Variants in WASHC5 observed in about 807,000 individuals in gnomAD.
WASHC5 encodes WASH complex subunit 5.
WASHC5 carries 101 observed loss-of-function variants against 150.4 expected under a neutral mutation model. The ratio of observed to expected loss-of-function variants is 0.67; its 90% CI spans 0.57 to 0.79. The LOEUF is 0.79. WASHC5 is among the 30% of genes least tolerant of loss of function. The pLI, the probability that WASHC5 is intolerant of heterozygous loss-of-function variation, is 0.00. For missense variants in WASHC5, 1,195 were observed against 1,396.3 expected (o/e 0.86, Z 2.30); for synonymous variants, 467 against 491.2 (o/e 0.95, Z 0.65).
intron 19 of WASHC5, among the ~76,000 whole-genome samples, chr8:125,047,701 G>A (rs1816112874): frequency 6.6e-6 from 1 of 152,128 alleles, no homozygotes; most frequent in Admixed American, 6.5e-5. Context: ...GCCTCCCAAA[G>A]TGCTGGGATT....
Position 125,032,217 on chromosome 8 carries a change from G to A in WASHC5, c.3335+24C>T, listed in dbSNP as rs16900240. On this transcript the variant is annotated intron_variant, in intron 27 of 28. Coordinates refer to ENST00000318410, the MANE Select transcript of WASHC5 (RefSeq NM_014846.4). ...TAGGTTTTGTGACAAGAAGTCCCACGTAGTCCTGGTTGGTCTTCTGTACCT... is the reference window on the plus strand; with the variant it reads ...TAGGTTTTGTGACAAGAAGTCCCACATAGTCCTGGTTGGTCTTCTGTACCT... The A allele has an allele frequency of 1.2e-4, 198 of 1,613,148 alleles. No individual in the cohort carries two copies. The highest frequency in any genetic ancestry group is 7.6e-4 in the East Asian group (34 of 44,888).
At chr8:125,062,011 GTTTT>G (rs1009193885) in intron 11 of WASHC5, among the ~76,000 whole-genome samples, 1 of 149,332 alleles carries the variant, frequency 6.7e-6, no homozygotes, top group Admixed American at 6.7e-5. Flanking sequence ...ATCCCCTAAA[GTTTT>G]TTTTTTGTTT....
intron 26 of WASHC5, chr8:125,032,604 A>T: frequency 1.7e-6 from 1 of 589,170 alleles, no homozygotes; most frequent in Non-Finnish European, 3.0e-6. Flanking sequence ...AAACCAATAA[A>T]ACGGTTACTA....
chr8:125,057,616 G>A lies in WASHC5; in HGVS notation c.1815C>T (p.Ser605=). The change falls in exon 15 of 29, where the codon AGC becomes AGT. Residue 605 remains serine, a synonymous_variant. Coordinates refer to ENST00000318410, the MANE Select transcript of WASHC5 (RefSeq NM_014846.4). ...ACTGTGACACGCTGAGCAGGTCGGG[G>A]CTATTTGCCTGATTAATACGAAGAA... is the stretch of plus-strand genomic sequence containing the variant. ...LPLLRINQAN[S]PDLLSVSQYY... 1.9e-6 allele frequency: 3 copies of A among 1,613,948 alleles called. No individual in the cohort carries two copies. Among genetic ancestry groups the A allele is most frequent in the Middle Eastern group, 1.7e-4 (1 of 6,058 alleles).
At chr8:125,028,506 C>T (rs1815435562) in intron 28 of WASHC5, 114 bp downstream of exon 28, 1 of 723,776 alleles carries the variant, frequency 1.4e-6, no homozygotes, top group Non-Finnish European at 2.5e-6. Context: ...GCGAGAGGCG[C>T]AGAGGCATCT....
At chr8:125,029,035 T>C (rs1815452280) in intron 27 of WASHC5, among the ~76,000 whole-genome samples, 1 of 117,596 alleles carries the variant, frequency 8.5e-6, no homozygotes, top group Admixed American at 7.5e-5. Context: ...GCACACTTTT[T>C]TTTTTTTTTT....
intron 1 of WASHC5, among the ~76,000 whole-genome samples, chr8:125,089,801 C>T (rs971592484): frequency 7.9e-5 from 12 of 152,134 alleles, no homozygotes; most frequent in Admixed American, 7.2e-4. Flanking sequence ...TCAAGAATTA[C>T]GCTGTAGACA....
At position 125,069,405 on chromosome 8, in the gene WASHC5, C is replaced by T. The variant is rs1340418951; in HGVS notation, c.1151-1686G>A. ...TAAAGTCAAAATAAAAACTCTAAGA[C>T]TTAAACAGACTTTGTCAAAAAGTTC... On this transcript the variant is annotated intron_variant, in intron 9 of 28. Coordinates refer to ENST00000318410, the MANE Select transcript of WASHC5 (RefSeq NM_014846.4). Among the ~76,000 whole-genome samples the T allele has an allele frequency of 2.6e-5, 4 of 152,152 alleles. No homozygotes were observed. The East Asian group carries it at 5.8e-4, about 22-fold the overall frequency.
chr8:125,059,523 A>T lies in WASHC5; in HGVS notation c.1541T>A (p.Leu514Ter). 1 of 1,613,646 alleles carries T rather than the reference A, an allele frequency of 6.2e-7. No homozygotes were observed. Among genetic ancestry groups the T allele is most frequent in the Non-Finnish European group, 8.5e-7 (1 of 1,179,806 alleles). Reference protein sequence around the residue: ...ALEEVQEFHQLESNLQVCQFL... With the variant: ...ALEEVQEFHQ ...CTGACATACTTGCAGATTGGATTCC[A>T]ACTGGTGGAATTCTTGAACCTGTGT... The change falls in exon 13 of 29, where the codon TTG becomes TAG. Residue 514 changes from leucine to a stop codon, truncating the protein, a stop_gained. Coordinates refer to ENST00000318410, the MANE Select transcript of WASHC5 (RefSeq NM_014846.4). LOFTEE classifies it high-confidence loss of function.
In WASHC5 at chr8:125,068,500, C is replaced by T. The variant is rs181375209; in HGVS notation, c.1151-781G>A. Among the ~76,000 whole-genome samples the T allele has an allele frequency of 1.7e-3, 253 of 152,290 alleles. 1 individual carries two copies. Among genetic ancestry groups the T allele is most frequent in the African/African-American group, 5.9e-3 (245 of 41,552 alleles). ...GTGCCTCATTCCTCCAAATTCACTC[C>T]GTGTGCCCTTTTCCTTTGCAGATTT... On this transcript the variant is annotated intron_variant, in intron 9 of 28. Coordinates refer to ENST00000318410, the MANE Select transcript of WASHC5 (RefSeq NM_014846.4).
rs1258715825 is a variant in WASHC5, at chr8:125,024,553, A to G, written c.*64T>C. The G allele has an allele frequency of 3.3e-5, 41 of 1,255,870 alleles. No individual in the cohort carries two copies. The highest frequency in any genetic ancestry group is 4.6e-5 in the Non-Finnish European group (39 of 853,828). The allele number at this position is 1,255,870 out of a possible 1,614,324, so 77.8% of individuals were successfully genotyped here. A position where few individuals can be genotyped will look rare whatever the true frequency, so the allele number is the denominator to read the frequency against. ...GCAACTGAGTTTCTTTTCATCTTCAAATTCATTTGTGATGGTGGGAAGATC... is the reference window on the plus strand; with the variant it reads ...GCAACTGAGTTTCTTTTCATCTTCAGATTCATTTGTGATGGTGGGAAGATC... On this transcript the variant is annotated 3_prime_UTR_variant, in exon 29 of 29. Coordinates refer to ENST00000318410, the MANE Select transcript of WASHC5 (RefSeq NM_014846.4).
intron 17 of WASHC5, among the ~76,000 whole-genome samples, chr8:125,052,354 A>G (rs1204278664): frequency 7.9e-5 from 12 of 152,166 alleles, no homozygotes; most frequent in Admixed American, 7.9e-4. Context: ...GCTAAGAGAA[A>G]GCCATCTTCA....
At chr8:125,032,135 A>T in intron 27 of WASHC5, 106 bp downstream of exon 27, 1 of 1,312,310 alleles carries the variant, frequency 7.6e-7, no homozygotes, top group Non-Finnish European at 1.1e-6. Context: ...AGGGTGAGCA[A>T]CCATTTCCCA....
chr8:125,032,155 G>C, intron 27 of WASHC5, 86 bp downstream of exon 27: 3 of 1,451,192 alleles, frequency 2.1e-6, no homozygotes, highest in Non-Finnish European at 2.9e-6. Flanking sequence ...ATCTCTATTA[G>C]GGCGATAAGA....
rs1360834282 is a variant in WASHC5, at chr8:125,050,582, T to C, written c.2181A>G (p.Ile727Met). Residue 727 changes from isoleucine to methionine, a missense_variant, in exon 18 of 29, where the codon ATA becomes ATG. Physicochemically the swap from Ile to Met is conservative, Grantham distance 10 (BLOSUM62 1). Around this residue, in one of 3 missense-constraint regions of WASHC5, gnomAD observed 997 missense variants for 1,168.1 expected, o/e 0.85. Transcript: ENST00000318410. ...RVAFALHRGL[I>M]FNPRAKPSEL... is the part of the protein sequence containing the mutation. ...TGGGTACCTTGGCTCGAGGGTTGAA[T>C]ATCAGTCCCCTATGCAGGGCAAAGG... is the stretch of plus-strand genomic sequence containing the variant. 1.2e-6 allele frequency: 2 copies of C among 1,613,988 alleles called. No individual in the cohort carries two copies. Among genetic ancestry groups the C allele is most frequent in the Non-Finnish European group, 1.7e-6 (2 of 1,179,850 alleles).
chr8:125,081,710 T>C lies in WASHC5; in HGVS notation c.469A>G (p.Ile157Val), dbSNP rs533483896. The part of the protein sequence containing the change: ...GVMLLVIDQK[I>V]EGEVRERMLV... ...ATCCTCTCTCTGACTTCTCCTTCAA[T>C]CTTTTGGTCAATGACCAGTAGCATA... Residue 157 changes from isoleucine to valine, a missense_variant, in exon 5 of 29, where the codon ATT (isoleucine) becomes GTT (valine). Physicochemically the swap from Ile to Val is conservative, Grantham distance 29. This residue lies in a region of WASHC5 where 195 missense variants were observed against 206.9 expected (regional missense o/e 0.94). Coordinates refer to ENST00000318410, the MANE Select transcript of WASHC5 (RefSeq NM_014846.4). 4 of 1,613,186 alleles carry C rather than the reference T, an allele frequency of 2.5e-6. No homozygotes were observed. Among genetic ancestry groups the C allele is most frequent in the Non-Finnish European group, 3.4e-6 (4 of 1,179,294 alleles).
At chr8:125,044,513 G>C in intron 21 of WASHC5, 23 bp downstream of exon 21, 1 of 1,613,578 alleles carries the variant, frequency 6.2e-7, no homozygotes, top group Non-Finnish European at 8.5e-7. Context: ...GCAGAAAACA[G>C]GCATGAAAGT....
In WASHC5 at chr8:125,056,667, G is replaced by A. The variant is rs1260941212; in HGVS notation, c.2016+10C>T. On this transcript the variant is annotated intron_variant, in intron 16 of 28. Transcript: ENST00000318410. Reference sequence around the variant, plus strand: ...AATATGAAAAGGCAGAAGTCAGAGGGACACAGCACCTCGTATCGTGGGCCT... The same window carrying A: ...AATATGAAAAGGCAGAAGTCAGAGGAACACAGCACCTCGTATCGTGGGCCT... 6.2e-7 allele frequency: 1 copy of A among 1,613,842 alleles called. No individual in the cohort carries two copies. Among genetic ancestry groups the A allele is most frequent in the South Asian group, 1.1e-5 (1 of 91,060 alleles).
intron 27 of WASHC5, 98 bp downstream of exon 27, chr8:125,032,143 C>T (rs1815559102): frequency 7.3e-7 from 1 of 1,375,558 alleles, no homozygotes; most frequent in African/African-American, 1.4e-5. Flanking sequence ...CAACCATTTC[C>T]CATCTCTATT....
Sources: allele counts gnomAD v4.1 joint callset (sites outside exome capture counted in the v4.1 genomes callset), GRCh38; gene constraint gnomAD v4.1.1; regional missense constraint gnomAD v4.1.1; transcripts MANE v1.5; gene names NCBI Gene and HGNC (gene_info 2026-07-23, HGNC 2026-07-21).